Variants in CACNA1D observed in about 807,000 individuals in gnomAD.
CACNA1D encodes the protein voltage-dependent L-type calcium channel subunit alpha-1D.
A neutral mutation model predicts 257.1 loss-of-function variants in CACNA1D; 55 were observed. The observed-to-expected ratio is 0.21, with a 90% CI of 0.17 to 0.27. CACNA1D has a LOEUF of 0.27. Among genes scored for constraint, CACNA1D ranks in the 10% least tolerant of loss-of-function variants. The probability of loss-of-function intolerance (pLI) is 1.00; values close to 1 mark genes in which losing one functional copy is unlikely to be tolerated. For missense variants in CACNA1D, 1,876 were observed against 2,784.0 expected, an observed-to-expected ratio of 0.67 and a Z score of 7.34; for synonymous variants, 980 against 1,014.9, an observed-to-expected ratio of 0.97 and a Z score of 0.65.
chr3:53,726,269 A>T (rs1262560486), intron 14 of CACNA1D, among the ~76,000 whole-genome samples: 1 of 152,216 alleles, frequency 6.6e-6, no homozygotes, highest in East Asian at 1.9e-4. Context: ...CTGTAGTTGA[A>T]GGTTCCAGAG....
chr3:53,536,544 A>C (rs2092119177), intron 3 of CACNA1D, among the ~76,000 whole-genome samples: 1 of 152,260 alleles, frequency 6.6e-6, no homozygotes, highest in Non-Finnish European at 1.5e-5. Context: ...TCCAAGTGGC[A>C]TGAGAAACTG....
At chr3:53,533,761 A>G (rs1458429659) in intron 3 of CACNA1D, among the ~76,000 whole-genome samples, 1 of 152,224 alleles carries the variant, frequency 6.6e-6, no homozygotes, top group Non-Finnish European at 1.5e-5. Flanking sequence ...GATTTTGGGC[A>G]TAGTTACTAG....
At chr3:53,691,785 A>ATTATATCT (rs2094525583) in intron 8 of CACNA1D, among the ~76,000 whole-genome samples, 1 of 95,566 alleles carries the variant, frequency 1.0e-5, no homozygotes, top group Non-Finnish European at 2.1e-5. Flanking sequence ...TTATATCTAT[A>ATTATATCT]ATATATATAT....
chr3:53,793,802 G>A lies in CACNA1D; in HGVS notation c.4924-6447G>A, dbSNP rs1396039543. Among the ~76,000 whole-genome samples, 1 of 152,242 alleles carries A rather than the reference G, an allele frequency of 6.6e-6. No homozygotes were observed. The highest frequency in any genetic ancestry group is 1.9e-4 in the East Asian group (1 of 5,200). On this transcript the variant is annotated intron_variant, in intron 40 of 47. Transcript: ENST00000350061. The surrounding 1 kb of genome is among the most constrained non-coding windows in gnomAD (Gnocchi z 4.1). ...ACTTGATTTGCAGTCAAACTGCAGA[G>A]ACACCGCTGTCGTTTCTCTTAAAGC... is the stretch of plus-strand genomic sequence containing the variant.
At chr3:53,762,429 G>T in intron 30 of CACNA1D, 1 of 423,020 alleles carries the variant, frequency 2.4e-6, no homozygotes, top group East Asian at 6.3e-5. Context: ...ATTTTAGGGG[G>T]ATGTTTCAAG....
At chr3:53,525,792 A>C (rs1393593432) in intron 3 of CACNA1D, among the ~76,000 whole-genome samples, 1 of 152,040 alleles carries the variant, frequency 6.6e-6, no homozygotes, top group African/African-American at 2.4e-5. Context: ...TGTGTTTTAG[A>C]GCTCTGGTCC....
At chr3:53,805,168 T>TGG in intron 45 of CACNA1D, 22 bp downstream of exon 45, 1 of 1,610,930 alleles carries the variant, frequency 6.2e-7, no homozygotes, top group Non-Finnish European at 8.5e-7. Context: ...TTTTTTGTTT[T>TGG]GGGTGGAACC....
chr3:53,562,607 A>G (rs1453019074), intron 3 of CACNA1D, among the ~76,000 whole-genome samples: 1 of 152,204 alleles, frequency 6.6e-6, no homozygotes. Flanking sequence ...AAAAAGCTAT[A>G]TGTAACTCTT....
intron 3 of CACNA1D, among the ~76,000 whole-genome samples, chr3:53,529,525 A>G (rs1231674318): frequency 1.3e-5 from 2 of 152,148 alleles, no homozygotes; most frequent in Non-Finnish European, 2.9e-5. Context: ...TAATGTGAGA[A>G]ATAGTGTGGT....
intron 8 of CACNA1D, among the ~76,000 whole-genome samples, chr3:53,689,451 A>C (rs1380795732): frequency 2.0e-5 from 3 of 150,906 alleles, no homozygotes; most frequent in African/African-American, 4.9e-5. Flanking sequence ...CCCAGAGTGC[A>C]GTGGAGTTAG....
intron 32 of CACNA1D, among the ~76,000 whole-genome samples, chr3:53,772,381 C>T (rs952352673): frequency 6.6e-6 from 1 of 152,172 alleles, no homozygotes; most frequent in African/African-American, 2.4e-5. Flanking sequence ...GGTGGTTTTG[C>T]ATAAAGATAT....
At chr3:53,657,779 T>C (rs1345928375) in intron 4 of CACNA1D, among the ~76,000 whole-genome samples, 6 of 152,234 alleles carry the variant, frequency 3.9e-5, no homozygotes, top group Non-Finnish European at 7.3e-5. Context: ...ATCCACTGGA[T>C]TTTTCCATTC....
intron 8 of CACNA1D, among the ~76,000 whole-genome samples, chr3:53,697,748 T>TA: frequency 6.6e-6 from 1 of 152,342 alleles, no homozygotes. Flanking sequence ...TTTATTACTG[T>TA]CCTTAGTTAT....
At chr3:53,508,740 G>T (rs577094812) in intron 3 of CACNA1D, among the ~76,000 whole-genome samples, 1 of 152,278 alleles carries the variant, frequency 6.6e-6, no homozygotes, top group Admixed American at 6.5e-5. Flanking sequence ...CCCAATACAG[G>T]GTGACAGCAT....
chr3:53,636,909 G>A (rs536537209), intron 3 of CACNA1D, among the ~76,000 whole-genome samples: 6 of 152,304 alleles, frequency 3.9e-5, no homozygotes, highest in Non-Finnish European at 5.9e-5. Flanking sequence ...AACGGTTAAG[G>A]TGACTTGTGT....
At chr3:53,672,961 C>A in intron 7 of CACNA1D, 62 bp from the exon 8 acceptor site, 2 of 1,035,176 alleles carry the variant, frequency 1.9e-6, no homozygotes, top group African/African-American at 1.6e-5. Context: ...CTAATGTGAC[C>A]CTCTCTCCTT....
At position 53,722,281 on chromosome 3, in the gene CACNA1D, T is replaced by C. The variant is rs746373720; in HGVS notation, c.1506-33T>C. 4.3e-6 allele frequency: 7 copies of C among 1,611,200 alleles called. No individual in the cohort carries two copies. The South Asian group carries it at 7.7e-5, about 18-fold the overall frequency. Reference sequence around the variant, plus strand: ...ATTGGATACTCAGATGCTGTATCTGTCATCTACGTAGTAATGTTTGCTTGT... The same window carrying C: ...ATTGGATACTCAGATGCTGTATCTGCCATCTACGTAGTAATGTTTGCTTGT... On this transcript the variant is annotated intron_variant, in intron 11 of 47. Transcript: ENST00000350061.
rs746327858 is a variant in CACNA1D, at chr3:53,810,292, G to A, written c.6186G>A (p.Val2062=). The part of the protein sequence containing the change: ...SDKQRSADSL[V]EAVLISEGLG... ...AGCAGAGGAGTGCGGACAGCTTGGT[G>A]GAGGCAGTGAGTACGGTTCTTGGCC... The change falls in exon 47 of 48, where the codon GTG becomes GTA. Residue 2062 remains valine (V), a synonymous_variant. Transcript: ENST00000350061. 6.2e-7 allele frequency: 1 copy of A among 1,613,600 alleles called. No individual in the cohort carries two copies. Among genetic ancestry groups the A allele is most frequent in the Non-Finnish European group, 8.5e-7 (1 of 1,180,018 alleles).
intron 9 of CACNA1D, among the ~76,000 whole-genome samples, chr3:53,706,480 T>C (rs1365580409): frequency 6.6e-6 from 1 of 152,218 alleles, no homozygotes; most frequent in Non-Finnish European, 1.5e-5. Context: ...ACTTTCCTTG[T>C]CTGCAAGAAG....
Sources: gnomAD v4.1 joint callset for allele counts (sites outside exome capture counted in the v4.1 genomes callset) on GRCh38, gnomAD v4.1.1 for gene constraint, Gnocchi (gnomAD v3.1) non-coding constraint, MANE v1.5 for transcripts, NCBI Gene and HGNC (gene_info 2026-07-23, HGNC 2026-07-21) for gene names.